Variants in NKAIN3 observed in about 807,000 individuals in gnomAD.
The protein encoded by NKAIN3 is sodium/potassium-transporting ATPase subunit beta-1-interacting protein 3.
Under a neutral mutation model 30.2 loss-of-function variants are expected in NKAIN3, and 25 were observed. The ratio of observed to expected loss-of-function variants is 0.83; its 90% CI spans 0.60 to 1.16. The LOEUF (loss-of-function observed/expected upper bound fraction) is 1.16. Ranked by LOEUF, NKAIN3 falls within the 50% of genes most tolerant of loss-of-function variation. The probability of loss-of-function intolerance (pLI) is 0.00; values close to 1 mark genes in which losing one functional copy is unlikely to be tolerated. For synonymous variants in NKAIN3, 91 were observed against 89.6 expected, an observed-to-expected ratio of 1.02 and a Z score of -0.09; for missense variants, 225 against 254.1, an observed-to-expected ratio of 0.89 and a Z score of 0.78.
rs546190937 is a variant in NKAIN3 at position 62,445,357 on chromosome 8, C to T, written c.55-134182C>T. 1.5e-4 allele frequency among the ~76,000 whole-genome samples: 23 copies of T among 151,784 alleles called. No individual in the cohort carries two copies. The South Asian group carries it at 4.8e-3, about 32-fold the overall frequency. ...GAAATATCTATTCAGATCTTTTGCCCATTTTAACATCAATTTTCTTGGTTT... is the reference window on the plus strand; with the variant it reads ...GAAATATCTATTCAGATCTTTTGCCTATTTTAACATCAATTTTCTTGGTTT... On this transcript the variant is annotated intron_variant, in intron 1 of 6. Coordinates refer to ENST00000623646, the MANE Select transcript of NKAIN3 (RefSeq NM_001304533.3).
At chr8:62,834,141 A>T (rs1391885536) in intron 4 of NKAIN3, among the ~76,000 whole-genome samples, 1 of 152,132 alleles carries the variant, frequency 6.6e-6, no homozygotes, top group Admixed American at 6.6e-5. Flanking sequence ...TATGATAAAA[A>T]CACTCAACGA....
At chr8:62,804,322 C>A (rs187311834) in intron 4 of NKAIN3, among the ~76,000 whole-genome samples, 165 of 152,156 alleles carry the variant, frequency 1.1e-3, no homozygotes, top group African/African-American at 3.7e-3. Context: ...AAAGAGAATA[C>A]CAAAGCCTGG....
At chr8:62,276,544 G>GTTCT (rs1812969876) in intron 1 of NKAIN3, among the ~76,000 whole-genome samples, 1 of 152,178 alleles carries the variant, frequency 6.6e-6, no homozygotes, top group South Asian at 2.1e-4. Context: ...GAGAGATGAT[G>GTTCT]TTCTATTAAG....
intron 1 of NKAIN3, among the ~76,000 whole-genome samples, chr8:62,559,503 TG>T (rs1809503042): frequency 6.6e-6 from 1 of 152,070 alleles, no homozygotes; most frequent in African/African-American, 2.4e-5. Flanking sequence ...TTTCTTTCCC[TG>T]CCTTCCTTTA....
At chr8:62,713,593 G>A (rs936645074) in intron 3 of NKAIN3, among the ~76,000 whole-genome samples, 14 of 152,080 alleles carry the variant, frequency 9.2e-5, no homozygotes, top group African/African-American at 2.7e-4. Flanking sequence ...TAATGTTTGC[G>A]TTTTGTTATA....
chr8:62,803,598 G>A (rs1475364404), intron 4 of NKAIN3, among the ~76,000 whole-genome samples: 2 of 152,042 alleles, frequency 1.3e-5, no homozygotes, highest in Admixed American at 1.3e-4. Context: ...CAGAATCTCT[G>A]GGACACATTC....
intron 3 of NKAIN3, among the ~76,000 whole-genome samples, chr8:62,652,412 T>G (rs1812649610): frequency 6.6e-6 from 1 of 152,214 alleles, no homozygotes; most frequent in South Asian, 2.1e-4. Flanking sequence ...GGCTGGCTTG[T>G]GGCTTGGCTG....
intron 3 of NKAIN3, among the ~76,000 whole-genome samples, chr8:62,738,648 C>CA (rs1489765356): frequency 6.7e-6 from 1 of 148,470 alleles, no homozygotes; most frequent in African/African-American, 2.5e-5. Flanking sequence ...CTGTTTATAT[C>CA]ATATCCTTTG....
intron 4 of NKAIN3, among the ~76,000 whole-genome samples, chr8:62,838,706 C>T (rs1044049295): frequency 3.3e-5 from 5 of 152,008 alleles, no homozygotes; most frequent in African/African-American, 1.2e-4. Context: ...ACACCATTTG[C>T]ATATGTATCT....
chr8:62,488,881 A>T (rs1478541798), intron 1 of NKAIN3, among the ~76,000 whole-genome samples: 1 of 152,150 alleles, frequency 6.6e-6, no homozygotes, highest in Non-Finnish European at 1.5e-5. Flanking sequence ...TTGCTCTGCC[A>T]CTTAGCACCT....
intron 1 of NKAIN3, among the ~76,000 whole-genome samples, chr8:62,296,546 A>G (rs564546912): frequency 4.7e-4 from 72 of 152,262 alleles, no homozygotes; most frequent in Admixed American, 5.2e-4. Flanking sequence ...TTTTTTTTAA[A>G]AAAAGAGATT....
chr8:62,741,486 A>G (rs976913350), intron 3 of NKAIN3, among the ~76,000 whole-genome samples: 5 of 152,146 alleles, frequency 3.3e-5, no homozygotes, highest in African/African-American at 9.7e-5. Flanking sequence ...CCCATGTGGA[A>G]TGTCTTCTCC....
chr8:62,255,944 G>C (rs1812248050), intron 1 of NKAIN3, among the ~76,000 whole-genome samples: 1 of 152,130 alleles, frequency 6.6e-6, no homozygotes, highest in Admixed American at 6.6e-5. Flanking sequence ...ATGATTCTGA[G>C]GTAGATCGAG....
At chr8:62,994,989 A>G (rs760451678) in intron 5 of NKAIN3, among the ~76,000 whole-genome samples, 28 of 152,212 alleles carry the variant, frequency 1.8e-4, no homozygotes, top group Non-Finnish European at 3.5e-4. Flanking sequence ...TAGGACTTTG[A>G]TGATACTCTG....
At chr8:62,958,059 C>G (rs1823471507) in intron 6 of NKAIN3, among the ~76,000 whole-genome samples, 1 of 152,174 alleles carries the variant, frequency 6.6e-6, no homozygotes, top group South Asian at 2.1e-4. Flanking sequence ...GAAAAAAAAG[C>G]AGCACAAGAA....
chr8:62,775,078 G>T (rs1480493601), intron 4 of NKAIN3, among the ~76,000 whole-genome samples: 1 of 152,030 alleles, frequency 6.6e-6, no homozygotes, highest in African/African-American at 2.4e-5. Flanking sequence ...CATTAATCTA[G>T]GTACTTGTTA....
intron 4 of NKAIN3, among the ~76,000 whole-genome samples, chr8:62,883,542 C>T (rs979850379): frequency 2.2e-5 from 3 of 137,792 alleles, no homozygotes; most frequent in Non-Finnish European, 3.0e-5. Context: ...TTCCTAATAC[C>T]TCTTATTTAT....
chr8:62,364,920 A>G (rs1355053853), intron 1 of NKAIN3, among the ~76,000 whole-genome samples: 1 of 151,672 alleles, frequency 6.6e-6, no homozygotes, highest in Non-Finnish European at 1.5e-5. Flanking sequence ...TAAAATATAC[A>G]TTTGTTAAAA....
chr8:62,428,547 C>T (rs763327357), intron 1 of NKAIN3, among the ~76,000 whole-genome samples: 9 of 151,810 alleles, frequency 5.9e-5, no homozygotes, highest in African/African-American at 1.9e-4. Flanking sequence ...CATTCTAACT[C>T]GGGTGAGATA....
Sources: allele counts gnomAD v4.1 joint callset (sites outside exome capture counted in the v4.1 genomes callset), GRCh38; gene constraint gnomAD v4.1.1; transcripts MANE v1.5; gene names NCBI Gene and HGNC (gene_info 2026-07-23, HGNC 2026-07-21).